Variants in RAVER2 observed in about 807,000 individuals in gnomAD.
The protein encoded by RAVER2 is ribonucleoprotein, PTB binding 2, also known as ribonucleoprotein PTB-binding 2.
Under a neutral mutation model 78.1 loss-of-function variants are expected in RAVER2, and 46 were observed. The ratio of observed to expected loss-of-function variants is 0.59; its 90% CI spans 0.46 to 0.75. RAVER2 has a LOEUF of 0.75. Ranked by LOEUF, RAVER2 falls within the 30% of genes least tolerant of loss-of-function variation. The pLI is 0.00. For synonymous variants in RAVER2, 311 were observed against 313.3 expected (o/e 0.99, Z 0.08); for missense variants, 793 against 837.5 (o/e 0.95, Z 0.66).
In RAVER2 at chr1:64,751,467, ACT is replaced by A. The variant is rs60036163; in HGVS notation, c.249+6049_249+6050del. 2.6e-3 allele frequency among the ~76,000 whole-genome samples: 394 copies of A among 152,190 alleles called. 2 individuals are homozygous for A. The highest frequency in any genetic ancestry group is 9.0e-3 in the African/African-American group (373 of 41,512). ...ATCAGGGAAGCATTAAATGAAGTCAACTCTGATCAAAGGCTGTTACTGCAAAA... is the reference window on the plus strand; with the variant it reads ...ATCAGGGAAGCATTAAATGAAGTCAACTGATCAAAGGCTGTTACTGCAAAA... On this transcript the variant is annotated intron_variant, in intron 1 of 11. Transcript: ENST00000294428.
At chr1:64,772,649 C>T (rs552219964) in intron 2 of RAVER2, among the ~76,000 whole-genome samples, 8 of 152,160 alleles carry the variant, frequency 5.3e-5, no homozygotes, top group Admixed American at 6.5e-5. Flanking sequence ...AATGCATGGA[C>T]GAATTTGAAA....
At chr1:64,833,194 A>G in exon 12 of RAVER2, 1 of 196,106 alleles carries the variant, frequency 5.1e-6, no homozygotes, top group African/African-American at 2.3e-5. Flanking sequence ...AAATGCTTTG[A>G]AAATGAAATC....
chr1:64,763,157 T>C (rs565521090), intron 1 of RAVER2, among the ~76,000 whole-genome samples: 15 of 151,710 alleles, frequency 9.9e-5, no homozygotes, highest in South Asian at 2.1e-4. Context: ...AATATACGGG[T>C]GAGGTGGCTG....
intron 2 of RAVER2, among the ~76,000 whole-genome samples, chr1:64,774,043 ATTTGT>A (rs1159913563): frequency 6.6e-6 from 1 of 151,992 alleles, no homozygotes; most frequent in African/African-American, 2.4e-5. Context: ...TTTCTTGTAA[ATTTGT>A]TTGAGTTTTT....
intron 5 of RAVER2, among the ~76,000 whole-genome samples, chr1:64,798,917 A>G (rs1436942396): frequency 6.6e-6 from 1 of 152,198 alleles, no homozygotes; most frequent in African/African-American, 2.4e-5. Context: ...TCAAACATCC[A>G]TCATATCATT....
intron 11 of RAVER2, among the ~76,000 whole-genome samples, chr1:64,823,973 A>G (rs574983181): frequency 6.6e-6 from 1 of 152,084 alleles, no homozygotes; most frequent in African/African-American, 2.4e-5. Flanking sequence ...TGCCCAGCTA[A>G]TTTTTGTATA....
intron 5 of RAVER2, among the ~76,000 whole-genome samples, chr1:64,801,607 CG>C (rs1653269057): frequency 1.3e-5 from 2 of 149,992 alleles, no homozygotes; most frequent in African/African-American, 4.9e-5. Context: ...CGGTGGCTCA[CG>C]CCTGTAATCC....
intron 1 of RAVER2, among the ~76,000 whole-genome samples, chr1:64,760,103 T>TG (rs1285146277): frequency 7.3e-6 from 1 of 136,188 alleles, no homozygotes; most frequent in Admixed American, 7.4e-5. Context: ...GGTTGTGATG[T>TG]GGAAAAAAAA....
intron 1 of RAVER2, among the ~76,000 whole-genome samples, chr1:64,758,797 G>A (rs1325792821): frequency 1.3e-5 from 2 of 151,744 alleles, no homozygotes; most frequent in Non-Finnish European, 2.9e-5. Flanking sequence ...AACTATGAGA[G>A]AATAATAGGT....
At chr1:64,761,468 G>A (rs1307948196) in intron 1 of RAVER2, among the ~76,000 whole-genome samples, 1 of 152,166 alleles carries the variant, frequency 6.6e-6, no homozygotes, top group East Asian at 1.9e-4. Flanking sequence ...ATGAAGATGA[G>A]ATTTAACTCA....
At position 64,812,809 on chromosome 1, in the gene RAVER2, C is replaced by G. The variant is rs200354772; in HGVS notation, c.1752C>G (p.Tyr584Ter). The change falls in exon 10 of 12, where the codon TAC (tyrosine) becomes TAG (stop). Residue 584 changes from tyrosine to a stop codon, truncating the protein, a stop_gained. Transcript: ENST00000294428. LOFTEE classifies it high-confidence loss of function. ...AAATTCGGCTCAGTAAAAATCCATA[C>G]TTGAATTTGGCAAGTGTGTTGCCCA... is the stretch of plus-strand genomic sequence containing the variant. The G allele has an allele frequency of 1.2e-6, 2 of 1,612,226 alleles. No individual in the cohort carries two copies. Among genetic ancestry groups the G allele is most frequent in the Non-Finnish European group, 1.7e-6 (2 of 1,179,130 alleles).
chr1:64,825,743 T>G (rs1324933756), intron 11 of RAVER2, among the ~76,000 whole-genome samples: 4 of 152,262 alleles, frequency 2.6e-5, no homozygotes, highest in African/African-American at 9.6e-5. Context: ...AATGATATTG[T>G]GACATTCTGT....
At chr1:64,814,622 TA>T in intron 10 of RAVER2, 81 bp from the exon 11 acceptor site, 1 of 749,454 alleles carries the variant, frequency 1.3e-6, no homozygotes, top group Non-Finnish European at 1.8e-6. Context: ...TATAATAAAA[TA>T]ATTTATTTAA....
chr1:64,832,064 A>C (rs1654155557), exon 12 of RAVER2: 1 of 152,618 alleles, frequency 6.6e-6, no homozygotes, highest in African/African-American at 2.4e-5. Flanking sequence ...TTTAGCCTTT[A>C]GACAGACTTG....
At chr1:64,759,825 GT>G (rs1172604788) in intron 1 of RAVER2, among the ~76,000 whole-genome samples, 15 of 152,038 alleles carry the variant, frequency 9.9e-5, no homozygotes, top group Non-Finnish European at 2.9e-5. Flanking sequence ...CTATTTTCAG[GT>G]TTTTTGAGCA....
At chr1:64,778,173 A>G (rs776266688) in intron 3 of RAVER2, 81 bp downstream of exon 3, 16 of 1,031,200 alleles carry the variant, frequency 1.6e-5, no homozygotes, top group Non-Finnish European at 2.1e-5. Context: ...CAAATTTATC[A>G]TACCTGTGTG....
At chr1:64,800,293 A>G (rs1653225398) in intron 5 of RAVER2, among the ~76,000 whole-genome samples, 1 of 152,094 alleles carries the variant, frequency 6.6e-6, no homozygotes, top group Non-Finnish European at 1.5e-5. Flanking sequence ...TTAGTTTGAT[A>G]AAATCCCATT....
chr1:64,763,074 C>T (rs1652064594), intron 1 of RAVER2, among the ~76,000 whole-genome samples: 1 of 152,134 alleles, frequency 6.6e-6, no homozygotes, highest in African/African-American at 2.4e-5. Flanking sequence ...CTTTGGGAGG[C>T]CAAGGCGGGC....
At chr1:64,784,863 CA>C (rs908986574) in intron 4 of RAVER2, among the ~76,000 whole-genome samples, 10 of 152,192 alleles carry the variant, frequency 6.6e-5, no homozygotes, top group Non-Finnish European at 5.9e-5. Flanking sequence ...TAAGATCTCT[CA>C]AATCCTTGGG....
Sources: allele counts gnomAD v4.1 joint callset (sites outside exome capture counted in the v4.1 genomes callset), GRCh38; gene constraint gnomAD v4.1.1; transcripts MANE v1.5; gene names NCBI Gene and HGNC (gene_info 2026-07-23, HGNC 2026-07-21).